CSNK2A1: variants seen among roughly 807,000 people sequenced by gnomAD.
The protein encoded by CSNK2A1 is casein kinase II subunit alpha.
A neutral mutation model predicts 62.9 loss-of-function variants in CSNK2A1; 10 were observed. The ratio of observed to expected loss-of-function variants is 0.16; its 90% CI spans 0.10 to 0.27. The LOEUF is 0.27. CSNK2A1 is among the 10% of genes least tolerant of loss of function. CSNK2A1 has a pLI of 1.00. For missense variants in CSNK2A1, 160 were observed against 492.0 expected, an observed-to-expected ratio of 0.33 and a Z score of 6.38; for synonymous variants, 124 against 167.8, an observed-to-expected ratio of 0.74 and a Z score of 2.02.
Position 499,556 on chromosome 20 carries a change from C to T in CSNK2A1, c.316-251G>A, listed in dbSNP as rs2018415470. 1.8e-6 allele frequency: 1 copy of T among 552,422 alleles called. No homozygotes were observed. Among genetic ancestry groups the T allele is most frequent in the Non-Finnish European group, 3.2e-6 (1 of 316,190 alleles). The allele number at this position is 552,422 out of a possible 1,614,324, so 34.2% of individuals were successfully genotyped here. A position where few individuals can be genotyped will look rare whatever the true frequency, so the allele number is the denominator to read the frequency against. On this transcript the variant is annotated intron_variant, in intron 5 of 13. Coordinates refer to ENST00000217244, the MANE Select transcript of CSNK2A1 (RefSeq NM_177559.3). The surrounding 1 kb of genome is among the most constrained non-coding windows in gnomAD (Gnocchi z 4.2). ...CTAGGCAGCCCGACAATGCGCCCAT[C>T]GCCCATCGGCATCGGACCTGAGTTT...
chr20:491,709 G>A (rs2018238853), intron 9 of CSNK2A1, among the ~76,000 whole-genome samples: 1 of 151,830 alleles, frequency 6.6e-6, no homozygotes, highest in East Asian at 1.9e-4. Flanking sequence ...GGCTCACGAG[G>A]GCAGGAGATC....
intron 8 of CSNK2A1, among the ~76,000 whole-genome samples, chr20:493,339 T>C (rs548965217): frequency 5.9e-5 from 9 of 152,296 alleles, no homozygotes; most frequent in African/African-American, 1.7e-4. Flanking sequence ...CCATAGCCCC[T>C]TCTCCTAACT....
rs1464768597 is a variant in CSNK2A1, at chr20:528,028, T to G, written c.-205A>C. The G allele has an allele frequency of 1.3e-5, 2 of 152,242 alleles. No individual in the cohort carries two copies. The highest frequency in any genetic ancestry group is 4.8e-5 in the African/African-American group (2 of 41,462). The allele number at this position is 152,242 out of a possible 1,614,324, so 9.4% of individuals were successfully genotyped here. On this transcript the variant is annotated 5_prime_UTR_variant, in exon 2 of 14. Transcript: ENST00000217244. ...ATGATTTACCATGTGATGAGCACAC[T>G]GCTTGACAAGCCTTGATAGAGCTAC...
chr20:527,891 C>T (rs1211878686), intron 2 of CSNK2A1, 42 bp downstream of exon 2: 1 of 152,130 alleles, frequency 6.6e-6, no homozygotes, highest in Non-Finnish European at 1.5e-5. Context: ...TTGCATCCAT[C>T]CTTTTTAAAC....
chr20:529,273 G>A (rs552283558), intron 1 of CSNK2A1, among the ~76,000 whole-genome samples: 7 of 148,476 alleles, frequency 4.7e-5, no homozygotes, highest in East Asian at 4.0e-4. Context: ...CAATCCTCCC[G>A]CCTTACCCTC....
intron 1 of CSNK2A1, chr20:540,080 T>C (rs1368911866): frequency 6.6e-6 from 1 of 152,250 alleles, no homozygotes; most frequent in African/African-American, 2.4e-5. Context: ...CCTATCTCCG[T>C]CTGAGTCACC....
rs2018099844 is a variant in CSNK2A1 at position 486,407 on chromosome 20, A to G, written c.1029T>C (p.Ser343=). The G allele has an allele frequency of 5.0e-6, 8 of 1,613,522 alleles. No individual in the cohort carries two copies. The highest frequency in any genetic ancestry group is 1.3e-5 in the African/African-American group (1 of 74,774). The change falls in exon 13 of 14, where the codon AGT becomes AGC. Residue 343 remains serine (S), a synonymous_variant. Coordinates refer to ENST00000217244, the MANE Select transcript of CSNK2A1 (RefSeq NM_177559.3). The stretch of plus-strand genomic sequence containing the variant: ...TCATATTGGCGCTGCTGACGGGCGT[A>G]CTGCCCCCTGGCATGCTAGATGAAC... The part of the protein sequence containing the change: ...RMGSSSMPGG[S]TPVSSANMMS...
intron 2 of CSNK2A1, among the ~76,000 whole-genome samples, chr20:524,655 A>G (rs1044729107): frequency 1.3e-3 from 177 of 137,964 alleles, no homozygotes; most frequent in Middle Eastern, 3.9e-3. Flanking sequence ...GCTTGAACCT[A>G]GGAGGTGGAG....
intron 13 of CSNK2A1, 32 bp from the exon 14 acceptor site, chr20:484,108 A>G: frequency 1.2e-5 from 18 of 1,502,118 alleles, no homozygotes; most frequent in Non-Finnish European, 1.6e-5. Context: ...TGAGCCAAAG[A>G]CACCAACCAT....
intron 1 of CSNK2A1, among the ~76,000 whole-genome samples, chr20:532,251 G>A (rs1600415320): frequency 6.6e-6 from 1 of 151,070 alleles, no homozygotes; most frequent in South Asian, 2.1e-4. Context: ...TGCAACCTCC[G>A]CCTCCTGGGT....
chr20:530,121 A>G (rs950402763), intron 1 of CSNK2A1, among the ~76,000 whole-genome samples: 4 of 152,170 alleles, frequency 2.6e-5, no homozygotes, highest in Admixed American at 2.0e-4. Context: ...CATCGCCCCA[A>G]AAAGAAACCC....
At chr20:530,285 C>T (rs989530902) in intron 1 of CSNK2A1, among the ~76,000 whole-genome samples, 1 of 152,172 alleles carries the variant, frequency 6.6e-6, no homozygotes, top group African/African-American at 2.4e-5. Context: ...AAAATGTCTA[C>T]AAGTTTATCC....
Position 480,023 on chromosome 20 carries a change from G to A in CSNK2A1, c.*3938C>T, listed in dbSNP as rs1468936170. The A allele has an allele frequency of 2.0e-5, 3 of 152,190 alleles. No homozygotes were observed. Among genetic ancestry groups the A allele is most frequent in the Non-Finnish European group, 4.4e-5 (3 of 68,036 alleles). The allele number at this position is 152,190 out of a possible 1,614,324, so 9.4% of individuals were successfully genotyped here. ...ATTACACACAGGTAATACAGCAGGGGAAAAGCAGGGAGACTGCAGCATCTA... is the reference window on the plus strand; with the variant it reads ...ATTACACACAGGTAATACAGCAGGGAAAAAGCAGGGAGACTGCAGCATCTA... On this transcript the variant is annotated 3_prime_UTR_variant, in exon 14 of 14. Transcript: ENST00000217244.
At chr20:520,951 G>A (rs2018932678) in intron 2 of CSNK2A1, among the ~76,000 whole-genome samples, 1 of 152,030 alleles carries the variant, frequency 6.6e-6, no homozygotes, top group Non-Finnish European at 1.5e-5. Context: ...TCCCAGGCTG[G>A]GTGACAAGGC....
intron 1 of CSNK2A1, among the ~76,000 whole-genome samples, chr20:535,034 CAAAAAAAAAAAAAAAAAA>C (rs11469217): frequency 5.9e-5 from 3 of 50,756 alleles, no homozygotes; most frequent in East Asian, 6.5e-4. Flanking sequence ...TGCTATCTCC[CAAAAAAAAAAAAAAAAAA>C]AAAAAAAAAA....
At position 497,845 on chromosome 20, in the gene CSNK2A1, C is replaced by A; in HGVS notation, c.367-65G>T. 2.8e-6 allele frequency: 4 copies of A among 1,443,994 alleles called. No homozygotes were observed. The South Asian group carries it at 3.5e-5, about 13-fold the overall frequency. 89.4% of individuals were successfully genotyped at this position (1,443,994 alleles called of 1,614,324 possible). On this transcript the variant is annotated intron_variant, in intron 6 of 13. Transcript: ENST00000217244. ...CAGAAAGGCATTTTTCACCCTCACTCACAGTAATTCAAACCAAGACTTGGC... is the reference window on the plus strand; with the variant it reads ...CAGAAAGGCATTTTTCACCCTCACTAACAGTAATTCAAACCAAGACTTGGC...
At chr20:512,952 C>CT (rs140844838) in intron 2 of CSNK2A1, among the ~76,000 whole-genome samples, 2,057 of 152,214 alleles carry the variant, frequency 0.014, 41 homozygotes, top group East Asian at 0.088. Flanking sequence ...ATAAGGTCAT[C>CT]TATGTTGTAG....
At position 492,662 on chromosome 20, in the gene CSNK2A1, C is replaced by T. The variant is rs190718110; in HGVS notation, c.511-298G>A. On this transcript the variant is annotated intron_variant, in intron 8 of 13. Transcript: ENST00000217244. Reference sequence around the variant, plus strand: ...ATCCTATTGGTAAGCATTTCCTTAACTTTTGGAATATTTAAGTCAGCTTCT... The same window carrying T: ...ATCCTATTGGTAAGCATTTCCTTAATTTTTGGAATATTTAAGTCAGCTTCT... 3.9e-5 allele frequency: 11 copies of T among 281,972 alleles called. No individual in the cohort carries two copies. In the East Asian group the frequency reaches 7.6e-4, roughly 19 times the overall value. 17.5% of individuals were successfully genotyped at this position (281,972 alleles called of 1,614,324 possible). A position where few individuals can be genotyped will look rare whatever the true frequency, so the allele number is the denominator to read the frequency against.
chr20:510,671 G>A (rs369155470), intron 2 of CSNK2A1, among the ~76,000 whole-genome samples: 23 of 152,226 alleles, frequency 1.5e-4, no homozygotes, highest in African/African-American at 5.3e-4. Flanking sequence ...GTAAACGTGC[G>A]TAAAGGGAAT....
Sources: gnomAD v4.1 joint callset for allele counts (sites outside exome capture counted in the v4.1 genomes callset) on GRCh38, gnomAD v4.1.1 for gene constraint, Gnocchi (gnomAD v3.1) non-coding constraint, MANE v1.5 for transcripts, NCBI Gene and HGNC (gene_info 2026-07-23, HGNC 2026-07-21) for gene names.